AFG2A: variants seen among roughly 807,000 people sequenced by gnomAD.
The protein encoded by AFG2A is ATPase family gene 2 protein homolog A.
chr4:123,108,864 G>C, the AFG2A span, among the ~76,000 whole-genome samples: 3 of 152,024 alleles, frequency 2.0e-5, no homozygotes, highest in African/African-American at 7.2e-5. Context: ...GGGGCTTAAC[G>C]CATTTTTTTT....
At chr4:123,052,772 A>G in the AFG2A span, among the ~76,000 whole-genome samples, 1 of 152,168 alleles carries the variant, frequency 6.6e-6, no homozygotes, top group South Asian at 2.1e-4. Flanking sequence ...CACAAGTGAA[A>G]ATCCCACAGT....
At chr4:123,197,750 G>A in the AFG2A span, among the ~76,000 whole-genome samples, 5 of 150,082 alleles carry the variant, frequency 3.3e-5, no homozygotes, top group Admixed American at 6.7e-5. Flanking sequence ...CCTGGGTGAC[G>A]GAGTAAGACT....
At chr4:123,003,492 G>A in the AFG2A span, among the ~76,000 whole-genome samples, 1 of 152,108 alleles carries the variant, frequency 6.6e-6, no homozygotes, top group African/African-American at 2.4e-5. Context: ...TGGTGTGGAT[G>A]TCCTTTCTGT....
the AFG2A span, among the ~76,000 whole-genome samples, chr4:122,945,131 C>T: frequency 6.6e-6 from 1 of 152,242 alleles, no homozygotes; most frequent in African/African-American, 2.4e-5. Flanking sequence ...CTCAGATCTC[C>T]AGCTGCGTGC....
chr4:123,247,971 G>C, the AFG2A span, among the ~76,000 whole-genome samples: 1 of 152,042 alleles, frequency 6.6e-6, no homozygotes. Context: ...AAAGCTTGCT[G>C]CAGTTAGTTG....
the AFG2A span, among the ~76,000 whole-genome samples, chr4:123,079,380 T>C: frequency 1.3e-5 from 2 of 152,106 alleles, no homozygotes; most frequent in Non-Finnish European, 2.9e-5. Context: ...AGAGAGCATA[T>C]ATATAACTAA....
the AFG2A span, among the ~76,000 whole-genome samples, chr4:122,974,501 C>T: frequency 6.6e-6 from 1 of 152,186 alleles, no homozygotes; most frequent in South Asian, 2.1e-4. Flanking sequence ...TACTCCTCAA[C>T]TTATGATGGG....
At chr4:123,108,521 G>A in the AFG2A span, among the ~76,000 whole-genome samples, 2 of 152,048 alleles carry the variant, frequency 1.3e-5, no homozygotes, top group Non-Finnish European at 2.9e-5. Flanking sequence ...ACAATTTATG[G>A]CCTAAAAGTT....
At chr4:123,117,163 T>C in the AFG2A span, among the ~76,000 whole-genome samples, 1 of 152,070 alleles carries the variant, frequency 6.6e-6, no homozygotes, top group African/African-American at 2.4e-5. Flanking sequence ...CACTAAACTG[T>C]TATCAGATGT....
At chr4:123,314,159 G>A in the AFG2A span, 2 of 1,106,662 alleles carry the variant, frequency 1.8e-6, no homozygotes, top group Non-Finnish European at 2.5e-6. Context: ...ATTTTACTAG[G>A]CAAAATGTTT....
the AFG2A span, among the ~76,000 whole-genome samples, chr4:123,141,516 T>C: frequency 6.6e-6 from 1 of 152,230 alleles, no homozygotes; most frequent in Non-Finnish European, 1.5e-5. Context: ...TATAGTGTAC[T>C]GTGTTGCCAG....
the AFG2A span, among the ~76,000 whole-genome samples, chr4:122,976,599 A>G: frequency 6.6e-6 from 1 of 152,054 alleles, no homozygotes; most frequent in African/African-American, 2.4e-5. Context: ...TTATTCCTCC[A>G]TCCCTGACCC....
chr4:122,930,278 C>T, the AFG2A span, among the ~76,000 whole-genome samples: 3 of 152,098 alleles, frequency 2.0e-5, no homozygotes, highest in African/African-American at 7.2e-5. Flanking sequence ...AATAGGATAT[C>T]GACTTGGTTT....
At chr4:123,138,529 G>A in the AFG2A span, among the ~76,000 whole-genome samples, 1 of 151,828 alleles carries the variant, frequency 6.6e-6, no homozygotes, top group African/African-American at 2.4e-5. Flanking sequence ...TGATATTGTT[G>A]AACTAGTTTT....
At chr4:123,222,485 A>T in the AFG2A span, among the ~76,000 whole-genome samples, 1 of 152,206 alleles carries the variant, frequency 6.6e-6, no homozygotes, top group South Asian at 2.1e-4. Context: ...AGCATGATAA[A>T]ATTGTATAAA....
chr4:123,001,291 G>A, the AFG2A span, among the ~76,000 whole-genome samples: 1 of 152,086 alleles, frequency 6.6e-6, no homozygotes, highest in East Asian at 1.9e-4. Context: ...GGTTTTTTGT[G>A]TGTCTATTTC....
the AFG2A span, among the ~76,000 whole-genome samples, chr4:122,940,489 T>C: frequency 2.6e-5 from 4 of 152,032 alleles, no homozygotes; most frequent in Admixed American, 6.5e-5. Context: ...GTTTGTTTTT[T>C]TCTTGTAAAT....
chr4:123,280,556 C>T, the AFG2A span, among the ~76,000 whole-genome samples: 1 of 152,184 alleles, frequency 6.6e-6, no homozygotes, highest in African/African-American at 2.4e-5. Flanking sequence ...GGGAACAATC[C>T]ATTTCTTTGC....
At chr4:122,926,940 A>G in the AFG2A span, among the ~76,000 whole-genome samples, 1 of 152,224 alleles carries the variant, frequency 6.6e-6, no homozygotes, top group African/African-American at 2.4e-5. Flanking sequence ...ATATTATGGT[A>G]AATGCTATTA....
Sources: gnomAD v4.1 joint callset for allele counts (sites outside exome capture counted in the v4.1 genomes callset) on GRCh38, gnomAD v4.1.1 for gene constraint, MANE v1.5 for transcripts, NCBI Gene and HGNC (gene_info 2026-07-23, HGNC 2026-07-21) for gene names.